PNOC: variants seen among roughly 807,000 people sequenced by gnomAD.
PNOC encodes prepronociceptin, also known as nociceptin.
A neutral mutation model predicts 15.6 loss-of-function variants in PNOC; 10 were observed. The observed-to-expected ratio is 0.64, with a 90% CI of 0.40 to 1.09. PNOC has a LOEUF of 1.09. Among genes scored for constraint, PNOC ranks in the 50% least tolerant of loss-of-function variants. The pLI, the probability that PNOC is intolerant of heterozygous loss-of-function variation, is 0.01. For synonymous variants in PNOC, 98 were observed against 88.5 expected (o/e 1.11, Z -0.60); for missense variants, 220 against 223.9 (o/e 0.98, Z 0.11).
intron 1 of PNOC, among the ~76,000 whole-genome samples, chr8:28,325,005 C>T (rs920710423): frequency 6.6e-6 from 1 of 152,186 alleles, no homozygotes; most frequent in Non-Finnish European, 1.5e-5. Flanking sequence ...GAGATAGGTA[C>T]TAATTTCATC....
chr8:28,320,088 C>CTT (rs1801122928), intron 1 of PNOC, among the ~76,000 whole-genome samples: 2 of 27,136 alleles, frequency 7.4e-5, no homozygotes, highest in African/African-American at 1.6e-4. Context: ...TTCTTTCTTT[C>CTT]TTTCTTTTTT....
chr8:28,329,087 C>G, intron 1 of PNOC, 48 bp from the exon 2 acceptor site: 1 of 1,584,654 alleles, frequency 6.3e-7, no homozygotes, highest in Non-Finnish European at 8.6e-7. Flanking sequence ...CCCTGAGCAG[C>G]CCTCCGAGAA....
chr8:28,335,506 G>T (rs1324437056), intron 2 of PNOC, among the ~76,000 whole-genome samples: 2 of 152,154 alleles, frequency 1.3e-5, no homozygotes. Flanking sequence ...ATTCTTCAGA[G>T]ATTTAGTTGA....
At chr8:28,324,097 G>A (rs1206290933) in intron 1 of PNOC, among the ~76,000 whole-genome samples, 1 of 152,198 alleles carries the variant, frequency 6.6e-6, no homozygotes, top group African/African-American at 2.4e-5. Context: ...GACCCACAGG[G>A]AGGTCCTGGC....
intron 2 of PNOC, chr8:28,338,687 T>C: frequency 9.7e-7 from 1 of 1,026,070 alleles, no homozygotes; most frequent in Non-Finnish European, 1.2e-6. Flanking sequence ...AGTCATGAGC[T>C]GTGCTTGGCT....
rs368241350 is a variant in PNOC at position 28,327,757 on chromosome 8, C to T, written c.-23-1378C>T. 1.8e-4 allele frequency among the ~76,000 whole-genome samples: 27 copies of T among 152,142 alleles called. No homozygotes were observed. The South Asian group carries it at 4.4e-3, about 25-fold the overall frequency. ...TCTTGAACTCCTGACCTCTAGTGAT[C>T]CACCTGCCTCAGCCTCCCAAAGTGC... On this transcript the variant is annotated intron_variant, in intron 1 of 3. Transcript: ENST00000301908.
chr8:28,322,217 C>T (rs929414331), intron 1 of PNOC, among the ~76,000 whole-genome samples: 1 of 151,550 alleles, frequency 6.6e-6, no homozygotes, highest in African/African-American at 2.4e-5. Flanking sequence ...GGTGAAACCC[C>T]GTCTCTACTA....
At chr8:28,338,981 G>A in intron 2 of PNOC, 59 bp from the exon 3 acceptor site, 2 of 1,441,386 alleles carry the variant, frequency 1.4e-6, no homozygotes, top group South Asian at 1.4e-5. Flanking sequence ...CTCCTCCCTC[G>A]CCCTGGATTA....
chr8:28,338,639 C>A lies in PNOC; in HGVS notation c.127-401C>A, dbSNP rs2129903679. The A allele has an allele frequency of 3.0e-6, 3 of 997,214 alleles. No homozygotes were observed. In the South Asian group the frequency reaches 1.4e-4, roughly 46 times the overall value. The allele number at this position is 997,214 out of a possible 1,614,324, so 61.8% of individuals were successfully genotyped here. ...TTTAACCCATGTGACCTCCCACAAG[C>A]CTGAAGAGAGAACAAAATAAAATTC... is the stretch of plus-strand genomic sequence containing the variant. On this transcript the variant is annotated intron_variant, in intron 2 of 3. Coordinates refer to ENST00000301908, the MANE Select transcript of PNOC (RefSeq NM_006228.5).
In PNOC at chr8:28,336,482, A is replaced by G. The variant is rs749151292; in HGVS notation, c.127-2558A>G. Among the ~76,000 whole-genome samples the G allele has an allele frequency of 3.5e-4, 53 of 152,174 alleles. 2 individuals carry two copies. Among genetic ancestry groups the G allele is most frequent in the Non-Finnish European group, 5.3e-4 (36 of 68,032 alleles). On this transcript the variant is annotated intron_variant, in intron 2 of 3. Transcript: ENST00000301908. ...GGAGGTCATTGCATCCAAGGGACAG[A>G]GAGAAAGGCATGCAGGTGCGAGGAG...
At chr8:28,329,516 G>T (rs1283675504) in intron 2 of PNOC, among the ~76,000 whole-genome samples, 2 of 152,202 alleles carry the variant, frequency 1.3e-5, no homozygotes, top group African/African-American at 4.8e-5. Context: ...TGTGATGCCA[G>T]GTCATTCCCA....
chr8:28,333,637 G>A (rs1801364794), intron 2 of PNOC, among the ~76,000 whole-genome samples: 1 of 152,180 alleles, frequency 6.6e-6, no homozygotes, highest in African/African-American at 2.4e-5. Context: ...TATGGACTGT[G>A]GCATCTGGTT....
At chr8:28,339,017 T>A in intron 2 of PNOC, 23 bp from the exon 3 acceptor site, 1 of 1,550,612 alleles carries the variant, frequency 6.4e-7, no homozygotes. Context: ...CCTTCTCCCC[T>A]CCTCTCACCC....
intron 3 of PNOC, among the ~76,000 whole-genome samples, chr8:28,341,650 T>C (rs1367104029): frequency 6.6e-6 from 1 of 152,212 alleles, no homozygotes; most frequent in Non-Finnish European, 1.5e-5. Context: ...CTATTATGCT[T>C]CCAACTGAGA....
Position 28,342,121 on chromosome 8 carries a change from G to A in PNOC, c.*48-821G>A, listed in dbSNP as rs1451941946. On this transcript the variant is annotated intron_variant, in intron 3 of 3. Transcript: ENST00000301908. ...GTGCTTTGGGATGCCGAGGCTGGTG[G>A]ATCACCTGAGGTCAGAAGTTTGAGA... 3.9e-5 allele frequency among the ~76,000 whole-genome samples: 6 copies of A among 152,246 alleles called. No individual in the cohort carries two copies. In the East Asian group the frequency reaches 1.2e-3, roughly 29 times the overall value.
At chr8:28,336,433 C>G (rs1305669973) in intron 2 of PNOC, among the ~76,000 whole-genome samples, 1 of 152,050 alleles carries the variant, frequency 6.6e-6, no homozygotes. Flanking sequence ...GTCTGGGTCC[C>G]AAAGGATGGA....
chr8:28,336,483 G>A (rs1203596240), intron 2 of PNOC, among the ~76,000 whole-genome samples: 1 of 152,202 alleles, frequency 6.6e-6, no homozygotes, highest in Non-Finnish European at 1.5e-5. Flanking sequence ...AAGGGACAGA[G>A]AGAAAGGCAT....
At chr8:28,329,674 CAT>C (rs1263757254) in intron 2 of PNOC, among the ~76,000 whole-genome samples, 1 of 152,144 alleles carries the variant, frequency 6.6e-6, no homozygotes, top group Non-Finnish European at 1.5e-5. Flanking sequence ...ATAAATTTCT[CAT>C]GTTATTATTT....
chr8:28,328,515 G>T (rs1801263499), intron 1 of PNOC, among the ~76,000 whole-genome samples: 1 of 131,138 alleles, frequency 7.6e-6, no homozygotes, highest in Admixed American at 7.2e-5. Context: ...AGAGAATTCG[G>T]GGTATGGGGG....
Sources: gnomAD v4.1 joint callset for allele counts (sites outside exome capture counted in the v4.1 genomes callset) on GRCh38, gnomAD v4.1.1 for gene constraint, MANE v1.5 for transcripts, NCBI Gene and HGNC (gene_info 2026-07-23, HGNC 2026-07-21) for gene names.